Variants in PLEC observed in about 807,000 individuals in gnomAD.
The protein encoded by PLEC is plectin.
PLEC carries 216 observed loss-of-function variants against 392.8 expected under a neutral mutation model. That is an observed-to-expected ratio of 0.55 (90% CI 0.49 to 0.62). PLEC has a LOEUF of 0.62. Ranked by LOEUF, PLEC falls within the 20% of genes least tolerant of loss-of-function variation. The probability of loss-of-function intolerance (pLI) is 0.00; values close to 1 mark genes in which losing one functional copy is unlikely to be tolerated. For synonymous variants in PLEC, 3,621 were observed against 2,980.6 expected, an observed-to-expected ratio of 1.21 and a Z score of -7.00; for missense variants, 6,863 against 6,563.4, an observed-to-expected ratio of 1.05 and a Z score of -1.58.
chr8:143,964,476 G>A (rs1554741661), intron 1 of PLEC, among the ~76,000 whole-genome samples: 3 of 152,144 alleles, frequency 2.0e-5, no homozygotes, highest in Admixed American at 6.6e-5. Context: ...GGAGTGATGC[G>A]GCCACGAGCC....
intron 4 of PLEC, 34 bp downstream of exon 4, chr8:143,937,131 T>C (rs1554724083): frequency 6.2e-7 from 1 of 1,609,074 alleles, no homozygotes; most frequent in South Asian, 1.1e-5. Flanking sequence ...GTGAGGGGTC[T>C]GGGTGGGGCC....
chr8:143,940,563 G>A (rs1174992437), upstream of PLEC, among the ~76,000 whole-genome samples: 1 of 152,182 alleles, frequency 6.6e-6, no homozygotes, highest in Non-Finnish European at 1.5e-5. Flanking sequence ...GGGGTCCGGG[G>A]CGGAGCTGCC....
chr8:143,946,515 G>A (rs967035899), intron 1 of PLEC: 15 of 623,312 alleles, frequency 2.4e-5, no homozygotes, highest in African/African-American at 5.7e-5. Flanking sequence ...GCTCCTCCTC[G>A]CAGCCACCCC....
rs374590279 is a variant in PLEC at position 143,932,148 on chromosome 8, C to T, written c.2064G>A (p.Pro688=). ...AGDRLLREDH[P]ARPTVESFQA... Reference sequence around the variant, plus strand: ...GCCCCACCTCCACCGTGGGCCGGGCCGGGTGGTCCTCCCGCAGCAGCCGGT... The same window carrying T: ...GCCCCACCTCCACCGTGGGCCGGGCTGGGTGGTCCTCCCGCAGCAGCCGGT... The change falls in exon 17 of 32, where the codon CCG becomes CCA. Residue 688 remains proline, a synonymous_variant. Transcript: ENST00000345136. The T allele has an allele frequency of 1.3e-4, 208 of 1,611,440 alleles. No homozygotes were observed. Among genetic ancestry groups the T allele is most frequent in the Admixed American group, 2.7e-4 (16 of 59,988 alleles).
chr8:143,916,419 C>T lies in PLEC; in HGVS notation c.13402G>A (p.Ala4468Thr), dbSNP rs112322162. The change falls in exon 32 of 32, where the codon GCG becomes ACG. Residue 4468 changes from alanine to threonine, a missense_variant. Physicochemically the swap from Ala to Thr is moderately conservative, Grantham distance 58. Transcript: ENST00000345136. ...CTGTAGTAGCCCTTGGTGGACTGCG[C>T]GGCAGCCTCCAGCAGCCGCAGCCCC... is the stretch of plus-strand genomic sequence containing the variant. ...GTGLRLLEAA[A>T]QSTKGYYSPY... 7.3e-4 allele frequency: 1,182 copies of T among 1,611,570 alleles called. 8 individuals carry two copies. The African/African-American group carries it at 0.013, about 17-fold the overall frequency.
rs782456993 is a variant in PLEC, at chr8:143,918,105, C to T, written c.11716G>A (p.Ala3906Thr). Reference sequence around the variant, plus strand: ...CCCTCCCGCAGCTGCAGCGCCGTGGCCTCGTCCATGACCTGCGAGCGCACC... The same window carrying T: ...CCCTCCCGCAGCTGCAGCGCCGTGGTCTCGTCCATGACCTGCGAGCGCACC... ...ELVRSQVMDE[A>T]TALQLREGLT... The change falls in exon 32 of 32, where the codon GCC (alanine) becomes ACC (threonine). Residue 3906 changes from alanine to threonine, a missense_variant. By Grantham distance (58) the Ala-to-Thr change is moderately conservative. Transcript: ENST00000345136. 1.3e-6 allele frequency: 2 copies of T among 1,597,858 alleles called. No individual in the cohort carries two copies. Among genetic ancestry groups the T allele is most frequent in the South Asian group, 2.2e-5 (2 of 90,140 alleles).
chr8:143,947,024 C>G (rs527833943), intron 1 of PLEC, among the ~76,000 whole-genome samples: 2 of 152,270 alleles, frequency 1.3e-5, no homozygotes, highest in African/African-American at 4.8e-5. Flanking sequence ...CAAATCCCAT[C>G]GTAACTACCC....
chr8:143,931,687 G>A, intron 18 of PLEC, 28 bp from the exon 19 acceptor site: 2 of 1,587,742 alleles, frequency 1.3e-6, no homozygotes, highest in Non-Finnish European at 1.7e-6. Context: ...GGTCACGCCA[G>A]GCTACCTGGG....
chr8:143,921,164 T>A lies in PLEC; in HGVS notation c.8657A>T (p.Asp2886Val). The change falls in exon 32 of 32, where the codon GAT becomes GTT. Residue 2886 changes from aspartate (D) to valine (V), a missense_variant. Coordinates refer to ENST00000345136, the MANE Select transcript of PLEC (RefSeq NM_201384.3). ...CAGCTCCCCGCCCTTGGCAGCCTTA[T>A]CCGTGAGTGGCAGAAGGCACAGGCC... ...ETGLCLLPLT[D>V]KAAKGGELVY... 6.2e-7 allele frequency: 1 copy of A among 1,613,678 alleles called. No individual in the cohort carries two copies.
Position 143,920,090 on chromosome 8 carries a change from C to A in PLEC, c.9731G>T (p.Gly3244Val). The stretch of plus-strand genomic sequence containing the variant: ...CGTCACCGTCCTGCCCTTGAAGCCA[C>A]CCACGGGGACCTCAACCGGGGTCTT... ...FEKTPVEVPV[G>V]GFKGRTVTVW... The change falls in exon 32 of 32, where the codon GGT (glycine) becomes GTT (valine). Residue 3244 changes from glycine (G) to valine (V), a missense_variant. Transcript: ENST00000345136. 7 of 1,613,194 alleles carry A rather than the reference C, an allele frequency of 4.3e-6. No individual in the cohort carries two copies. The highest frequency in any genetic ancestry group is 5.9e-6 in the Non-Finnish European group (7 of 1,180,036).
chr8:143,919,815 TCTTG>T lies in PLEC; in HGVS notation c.10002_10005del (p.Lys3335ArgfsTer45). 6.2e-7 allele frequency: 1 copy of T among 1,613,076 alleles called. No individual in the cohort carries two copies. Among genetic ancestry groups the T allele is most frequent in the Non-Finnish European group, 8.5e-7 (1 of 1,180,018 alleles). ...AGCTCCGAAAGGTCCTTGACCGTCGTCTTGCCGTCCTTGAGCTGCTCAAACTGGG... is the reference window on the plus strand; with the variant it reads ...AGCTCCGAAAGGTCCTTGACCGTCGTCCGTCCTTGAGCTGCTCAAACTGGG... On this transcript the variant is annotated frameshift_variant, in exon 32 of 32. Coordinates refer to ENST00000345136, the MANE Select transcript of PLEC (RefSeq NM_201384.3). LOFTEE classifies it high-confidence loss of function.
At chr8:143,946,725 G>A (rs868918194) in intron 1 of PLEC, among the ~76,000 whole-genome samples, 1 of 49,236 alleles carries the variant, frequency 2.0e-5, no homozygotes, top group African/African-American at 9.0e-5. Flanking sequence ...TCCCCTTCCC[G>A]CTGCAGGCCC....
chr8:143,972,105 G>A (rs1264703374), intron 1 of PLEC, among the ~76,000 whole-genome samples: 1 of 152,214 alleles, frequency 6.6e-6, no homozygotes, highest in East Asian at 1.9e-4. Context: ...AGGAGGAAAC[G>A]ATCCTGCACA....
Position 143,927,079 on chromosome 8 carries a change from G to A in PLEC, c.3843C>T (p.Asp1281=), listed in dbSNP as rs782261490. The A allele has an allele frequency of 1.9e-6, 3 of 1,610,190 alleles. No homozygotes were observed. Among genetic ancestry groups the A allele is most frequent in the Non-Finnish European group, 1.7e-6 (2 of 1,179,594 alleles). The change falls in exon 29 of 32, where the codon GAC becomes GAT. Residue 1281 remains aspartate, a splice_region_variant and synonymous_variant. Coordinates refer to ENST00000345136, the MANE Select transcript of PLEC (RefSeq NM_201384.3). The part of the protein sequence containing the change: ...FAKQYINAIK[D]YELQLVTYKA... ...TGTACGTCACCAGCTGGAGTTCATAGTCCTGTGGCAATGCACTGCGGTCAG... is the reference window on the plus strand; with the variant it reads ...TGTACGTCACCAGCTGGAGTTCATAATCCTGTGGCAATGCACTGCGGTCAG...
chr8:143,942,476 C>T (rs370626528), upstream of PLEC: 151 of 1,597,068 alleles, frequency 9.5e-5, no homozygotes, highest in African/African-American at 1.1e-3. Context: ...TCCAGCAAGA[C>T]CTCCCTCGGC....
At position 143,924,437 on chromosome 8, in the gene PLEC, GCCTCGGCCCGCTGCCGCGCCGCGTCTT is replaced by G. The variant is rs1824164756; in HGVS notation, c.5465_5491del (p.Glu1822_Glu1830del). The G allele has an allele frequency of 1.9e-6, 3 of 1,573,600 alleles. No homozygotes were observed. Among genetic ancestry groups the G allele is most frequent in the Admixed American group, 1.7e-5 (1 of 57,540 alleles). On this transcript the variant is annotated inframe_deletion, in exon 31 of 32. Transcript: ENST00000345136. Reference sequence around the variant, plus strand: ...CAGCTTCTCCGCAAGCACCCGCTCCGCCTCGGCCCGCTGCCGCGCCGCGTCTTCCTCGGCCAGCTGCCGCTGCCGCTT... The same window carrying G: ...CAGCTTCTCCGCAAGCACCCGCTCCGCCTCGGCCAGCTGCCGCTGCCGCTT...
chr8:143,944,402 C>G (rs1554730996), upstream of PLEC, among the ~76,000 whole-genome samples: 2 of 152,236 alleles, frequency 1.3e-5, no homozygotes, highest in African/African-American at 4.8e-5. Flanking sequence ...GATGCCAGAG[C>G]CCCCACCTCA....
intron 1 of PLEC, among the ~76,000 whole-genome samples, chr8:143,949,242 G>A (rs1831846632): frequency 6.6e-6 from 1 of 152,214 alleles, no homozygotes; most frequent in African/African-American, 2.4e-5. Flanking sequence ...CCCACCCCAG[G>A]CCCCCTTCTT....
upstream of PLEC, among the ~76,000 whole-genome samples, chr8:143,940,123 G>A (rs986895832): frequency 2.6e-5 from 4 of 152,218 alleles, no homozygotes; most frequent in African/African-American, 9.6e-5. Flanking sequence ...CCTGCATGAA[G>A]CGGGGAGCAC....
Sources: gnomAD v4.1 joint callset for allele counts (sites outside exome capture counted in the v4.1 genomes callset) on GRCh38, gnomAD v4.1.1 for gene constraint, MANE v1.5 for transcripts, NCBI Gene and HGNC (gene_info 2026-07-23, HGNC 2026-07-21) for gene names.